Variants in SPATA13 observed in about 807,000 individuals in gnomAD.
The protein encoded by SPATA13 is spermatogenesis associated 13, also known as spermatogenesis-associated protein 13.
SPATA13 carries 50 observed loss-of-function variants against 104.0 expected under a neutral mutation model. That is an observed-to-expected ratio of 0.48 (90% CI 0.38 to 0.61). The LOEUF is 0.61. SPATA13 is among the 20% of genes least tolerant of loss of function. SPATA13 has a pLI of 0.00. For missense variants in SPATA13, 1,524 were observed against 1,690.6 expected (o/e 0.90, Z 1.73); for synonymous variants, 606 against 667.5 (o/e 0.91, Z 1.42).
At chr13:24,097,863 G>A (rs1476951626) in intron 3 of SPATA13, among the ~76,000 whole-genome samples, 5 of 152,188 alleles carry the variant, frequency 3.3e-5, no homozygotes, top group Admixed American at 2.6e-4. Flanking sequence ...AGGAGAAACC[G>A]CGGAGAACAG....
In SPATA13 at chr13:24,130,966, C is replaced by T. The variant is rs548913780; in HGVS notation, c.-111-91853C>T. Among the ~76,000 whole-genome samples, 76 of 152,238 alleles carry T rather than the reference C, an allele frequency of 5.0e-4. 1 individual carries two copies. The highest frequency in any genetic ancestry group is 1.9e-3 in the East Asian group (10 of 5,188). On this transcript the variant is annotated intron_variant, in intron 3 of 14. Transcript: ENST00000424834. ...ACAGAGTTCTTACACAGGGGTGGAG[C>T]GGGGGACGCTTTCTGGCTTCATCGT...
rs1468595738 is a variant in SPATA13, at chr13:24,137,081, C to T, written c.-111-85738C>T. ...TCCTGACCTCGTGATCCGCCCGCCT[C>T]GGCCTCCCAAAGTGCTGGGATTACA... On this transcript the variant is annotated intron_variant, in intron 3 of 14. Transcript: ENST00000424834. 5.4e-4 allele frequency among the ~76,000 whole-genome samples: 19 copies of T among 35,362 alleles called. 4 individuals are homozygous for T. Among genetic ancestry groups the T allele is most frequent in the Non-Finnish European group, 1.0e-3 (16 of 15,772 alleles). 23.2% of individuals were successfully genotyped at this position (35,362 alleles called of 152,430 possible).
At chr13:24,189,594 T>A (rs1416284390) in intron 1 of SPATA13, among the ~76,000 whole-genome samples, 1 of 122,366 alleles carries the variant, frequency 8.2e-6, no homozygotes, top group African/African-American at 3.2e-5. Context: ...GTAATACAAA[T>A]ATAAATATAA....
intron 1 of SPATA13, among the ~76,000 whole-genome samples, chr13:24,202,520 CTTT>C (rs10608738): frequency 0.028 from 2,453 of 88,324 alleles, 49 homozygotes; most frequent in East Asian, 0.11. Flanking sequence ...CTTTCTTTCC[CTTT>C]TTTTTTTTTT....
intron 3 of SPATA13, among the ~76,000 whole-genome samples, chr13:24,073,671 G>A (rs1423521778): frequency 2.6e-5 from 4 of 152,236 alleles, no homozygotes; most frequent in African/African-American, 9.6e-5. Context: ...CTTTACTGCA[G>A]CATGATTTTG....
chr13:24,057,438 C>G (rs1304884309), intron 3 of SPATA13, among the ~76,000 whole-genome samples: 2 of 152,106 alleles, frequency 1.3e-5, no homozygotes, highest in Non-Finnish European at 2.9e-5. Context: ...TTAAATGGAG[C>G]CCCTCAGGGA....
Position 24,130,419 on chromosome 13 carries a change from G to A in SPATA13, c.-111-92400G>A, listed in dbSNP as rs539874139. On this transcript the variant is annotated intron_variant, in intron 3 of 14. Transcript: ENST00000424834. Reference sequence around the variant, plus strand: ...TAGGACCCAGCCGATTAGAGAGAAGGCATGAATCAGAGAAGAGAGAAAATG... The same window carrying A: ...TAGGACCCAGCCGATTAGAGAGAAGACATGAATCAGAGAAGAGAGAAAATG... 2.1e-4 allele frequency among the ~76,000 whole-genome samples: 32 copies of A among 152,220 alleles called. 1 individual carries two copies. Among genetic ancestry groups the A allele is most frequent in the Admixed American group, 1.8e-3 (27 of 15,284 alleles).
At chr13:24,098,013 C>A (rs1880138240) in intron 3 of SPATA13, among the ~76,000 whole-genome samples, 1 of 152,152 alleles carries the variant, frequency 6.6e-6, no homozygotes, top group Non-Finnish European at 1.5e-5. Context: ...GACTCTGCAT[C>A]CTCCTCACAG....
intron 3 of SPATA13, among the ~76,000 whole-genome samples, chr13:24,079,190 T>C (rs922577528): frequency 6.6e-6 from 1 of 152,176 alleles, no homozygotes; most frequent in Non-Finnish European, 1.5e-5. Flanking sequence ...GAACACGGGA[T>C]GTAGATGGCC....
chr13:23,994,537 C>T (rs572386220), intron 2 of SPATA13, among the ~76,000 whole-genome samples: 4 of 152,214 alleles, frequency 2.6e-5, no homozygotes, highest in African/African-American at 7.2e-5. Flanking sequence ...CCTTTCAGGC[C>T]CTGGATGCTG....
intron 3 of SPATA13, among the ~76,000 whole-genome samples, chr13:24,134,671 T>A (rs545686072): frequency 6.6e-6 from 1 of 152,266 alleles, no homozygotes; most frequent in East Asian, 1.9e-4. Context: ...CACTGACTTG[T>A]AAGAGCAGCT....
intron 2 of SPATA13, among the ~76,000 whole-genome samples, chr13:24,240,942 T>G (rs1473344424): frequency 6.6e-6 from 1 of 152,214 alleles, no homozygotes; most frequent in African/African-American, 2.4e-5. Flanking sequence ...GCTTCCTGAA[T>G]CCAAGGGACA....
intron 3 of SPATA13, among the ~76,000 whole-genome samples, chr13:24,155,472 A>G (rs1195385932): frequency 1.3e-5 from 2 of 152,142 alleles, no homozygotes; most frequent in Non-Finnish European, 2.9e-5. Flanking sequence ...AGTGGTCTGC[A>G]TCAGTGCTAG....
chr13:24,177,569 C>G (rs1045651613), intron 1 of SPATA13, among the ~76,000 whole-genome samples: 2 of 152,228 alleles, frequency 1.3e-5, no homozygotes, highest in Non-Finnish European at 2.9e-5. Context: ...AAGTGATTCT[C>G]CTGCCTCAGC....
intron 3 of SPATA13, among the ~76,000 whole-genome samples, chr13:24,089,955 C>T (rs922343960): frequency 6.6e-6 from 1 of 152,198 alleles, no homozygotes; most frequent in African/African-American, 2.4e-5. Context: ...CTTGTCCCCT[C>T]AAACCCTTTT....
chr13:24,284,222 C>A lies in SPATA13; in HGVS notation c.2252C>A (p.Ala751Asp), dbSNP rs1349953532. The A allele has an allele frequency of 4.3e-6, 7 of 1,613,704 alleles. No individual in the cohort carries two copies. The highest frequency in any genetic ancestry group is 2.2e-5 in the East Asian group (1 of 44,880). The change falls in exon 5 of 13, where the codon GCC (alanine) becomes GAC (aspartate). Residue 751 changes from alanine to aspartate, a missense_variant. Ala to Asp is a moderately radical substitution (Grantham distance 126). Around this residue, in one of 2 missense-constraint regions of SPATA13, gnomAD observed 1,089 missense variants for 1,135.9 expected, o/e 0.96. Transcript: ENST00000382108. ...TTCAGCTATGAAGACCTCTGCCAGGCCAGCCCTCGGTACCTGCAGCCCGGC... is the reference window on the plus strand; with the variant it reads ...TTCAGCTATGAAGACCTCTGCCAGGACAGCCCTCGGTACCTGCAGCCCGGC... ...EDFSYEDLCQ[A>D]SPRYLQPGGE... is the part of the protein sequence containing the mutation.
At chr13:24,122,676 A>C (rs1371182939) in intron 3 of SPATA13, 28 of 1,036,286 alleles carry the variant, frequency 2.7e-5, no homozygotes, top group Non-Finnish European at 4.3e-5. Flanking sequence ...GACAGACAGA[A>C]GTGTGTCTGT....
In SPATA13 at chr13:24,286,216, G is replaced by A. The variant is rs747419766; in HGVS notation, c.2304G>A (p.Leu768=). 1 of 1,610,614 alleles carries A rather than the reference G, an allele frequency of 6.2e-7. No individual in the cohort carries two copies. The highest frequency in any genetic ancestry group is 1.1e-5 in the South Asian group (1 of 90,696). The part of the protein sequence containing the change: ...PGGEQLAINE[L]ISDGNVVCAE... ...CGCACCCCACTGTCTCCTTTCAGCTGATCAGTGATGGCAACGTGGTCTGCG... is the reference window on the plus strand; with the variant it reads ...CGCACCCCACTGTCTCCTTTCAGCTAATCAGTGATGGCAACGTGGTCTGCG... Residue 768 remains leucine, a splice_region_variant and synonymous_variant, in exon 6 of 13, where the codon CTG becomes CTA. Coordinates refer to ENST00000382108, the MANE Select transcript of SPATA13 (RefSeq NM_001166271.3). The surrounding 1 kb of genome is among the most constrained non-coding windows in gnomAD (Gnocchi z 4.9).
At chr13:24,039,481 C>G (rs1173486827) in intron 3 of SPATA13, among the ~76,000 whole-genome samples, 1 of 152,232 alleles carries the variant, frequency 6.6e-6, no homozygotes, top group Non-Finnish European at 1.5e-5. Flanking sequence ...AATTCTGCAT[C>G]TGGCAAATCA....
Sources: allele counts gnomAD v4.1 joint callset (sites outside exome capture counted in the v4.1 genomes callset), GRCh38; gene constraint gnomAD v4.1.1; regional missense constraint gnomAD v4.1.1; non-coding constraint Gnocchi (gnomAD v3.1); transcripts MANE v1.5; gene names NCBI Gene and HGNC (gene_info 2026-07-23, HGNC 2026-07-21).